The following ADGRB3 variants were observed in gnomAD, a reference collection of about 807,000 sequenced individuals.
ADGRB3 encodes the protein brain-specific angiogenesis inhibitor 3.
ADGRB3 carries 37 observed loss-of-function variants against 193.4 expected under a neutral mutation model. The ratio of observed to expected loss-of-function variants is 0.19; its 90% CI spans 0.15 to 0.25. ADGRB3 has a LOEUF of 0.25. Among genes scored for constraint, ADGRB3 ranks in the 10% least tolerant of loss-of-function variants. The pLI is 1.00. For missense variants in ADGRB3, 1,637 were observed against 1,852.9 expected, an observed-to-expected ratio of 0.88 and a Z score of 2.14; for synonymous variants, 690 against 644.2, an observed-to-expected ratio of 1.07 and a Z score of -1.08.
intron 17 of ADGRB3, among the ~76,000 whole-genome samples, chr6:69,182,992 T>G (rs1764966024): frequency 6.6e-6 from 1 of 152,068 alleles, no homozygotes; most frequent in African/African-American, 2.4e-5. Flanking sequence ...AATAACTACT[T>G]TCTGAGTTAT....
intron 10 of ADGRB3, among the ~76,000 whole-genome samples, chr6:68,980,823 G>C (rs1239715061): frequency 6.6e-6 from 1 of 151,384 alleles, no homozygotes; most frequent in Non-Finnish European, 1.5e-5. Flanking sequence ...AGGCTGGAAC[G>C]TGACAAGTCA....
intron 3 of ADGRB3, among the ~76,000 whole-genome samples, chr6:68,865,475 G>A (rs540847988): frequency 1.3e-5 from 2 of 152,170 alleles, no homozygotes; most frequent in South Asian, 4.2e-4. Flanking sequence ...GGGTACATAG[G>A]TGCATGCTTT....
chr6:69,269,640 A>G (rs1582593268), intron 20 of ADGRB3, among the ~76,000 whole-genome samples: 1 of 152,168 alleles, frequency 6.6e-6, no homozygotes, highest in African/African-American at 2.4e-5. Context: ...ATAAAATAAT[A>G]TCGTGACTGA....
At chr6:69,273,009 T>C (rs1246450404) in intron 20 of ADGRB3, among the ~76,000 whole-genome samples, 3 of 152,164 alleles carry the variant, frequency 2.0e-5, no homozygotes, top group Non-Finnish European at 4.4e-5. Flanking sequence ...CAAGCGATTC[T>C]CCTGCCTCAG....
chr6:69,224,788 A>G (rs1394465440), intron 17 of ADGRB3, among the ~76,000 whole-genome samples: 1 of 152,110 alleles, frequency 6.6e-6, no homozygotes, highest in Non-Finnish European at 1.5e-5. Flanking sequence ...GCCGTTTTTT[A>G]ATGGCTGAAG....
intron 29 of ADGRB3, among the ~76,000 whole-genome samples, chr6:69,366,690 T>C (rs951393185): frequency 6.6e-6 from 1 of 152,138 alleles, no homozygotes; most frequent in African/African-American, 2.4e-5. Flanking sequence ...GTTGACCTGT[T>C]CATAATGGTT....
chr6:69,249,698 A>G lies in ADGRB3; in HGVS notation c.2814+10472A>G, dbSNP rs1294284820. ...CCTAAAATTTGGATTGTTATTATGT[A>G]TATCAAATCATAAGCATTGCTATGG... On this transcript the variant is annotated intron_variant, in intron 20 of 31. Transcript: ENST00000370598. Among the ~76,000 whole-genome samples the G allele has an allele frequency of 2.0e-5, 3 of 152,314 alleles. No homozygotes were observed. The East Asian group carries it at 5.8e-4, about 29-fold the overall frequency.
At chr6:69,125,022 T>C (rs951758486) in intron 17 of ADGRB3, among the ~76,000 whole-genome samples, 1 of 152,142 alleles carries the variant, frequency 6.6e-6, no homozygotes, top group Non-Finnish European at 1.5e-5. Flanking sequence ...TCTCCTGATA[T>C]CATCCTTTTG....
chr6:68,872,470 C>G (rs1765488161), intron 3 of ADGRB3, among the ~76,000 whole-genome samples: 1 of 151,892 alleles, frequency 6.6e-6, no homozygotes, highest in Non-Finnish European at 1.5e-5. Flanking sequence ...GAAGAAAAAC[C>G]AGAAATTGAA....
At chr6:69,037,675 C>T (rs906206833) in intron 13 of ADGRB3, among the ~76,000 whole-genome samples, 2 of 152,198 alleles carry the variant, frequency 1.3e-5, no homozygotes, top group African/African-American at 4.8e-5. Flanking sequence ...CTGCCTGTCT[C>T]TCTTTCTGTC....
intron 17 of ADGRB3, among the ~76,000 whole-genome samples, chr6:69,172,641 C>A (rs1340341864): frequency 4.4e-5 from 1 of 22,602 alleles, no homozygotes; most frequent in Non-Finnish European, 6.9e-5. Context: ...GAGACTCTGT[C>A]TCAAAAAAAA....
chr6:68,831,675 G>A (rs1362044303), intron 3 of ADGRB3, among the ~76,000 whole-genome samples: 1 of 152,130 alleles, frequency 6.6e-6, no homozygotes, highest in East Asian at 1.9e-4. Context: ...AACCAGAATG[G>A]AGTGGACACC....
intron 3 of ADGRB3, among the ~76,000 whole-genome samples, chr6:68,734,662 C>G (rs1021294875): frequency 8.6e-5 from 13 of 151,842 alleles, no homozygotes; most frequent in Admixed American, 4.0e-4. Context: ...AGAATCTAAA[C>G]CAATTACAAG....
At chr6:69,209,922 T>G (rs1461163274) in intron 17 of ADGRB3, among the ~76,000 whole-genome samples, 1 of 151,776 alleles carries the variant, frequency 6.6e-6, no homozygotes, top group Non-Finnish European at 1.5e-5. Context: ...TTCTCCATAC[T>G]ATTAGAAGAA....
rs77902531 is a variant in ADGRB3, at chr6:69,011,869, C to T, written c.1930-2169C>T. 3.8e-4 allele frequency among the ~76,000 whole-genome samples: 58 copies of T among 152,018 alleles called. 1 individual carries two copies. Among genetic ancestry groups the T allele is most frequent in the Non-Finnish European group, 5.7e-4 (39 of 67,960 alleles). Reference sequence around the variant, plus strand: ...CCTACATGGATTTCATTAGTCAGGGCGCTACTACTGATTATTCCAAAGTCT... The same window carrying T: ...CCTACATGGATTTCATTAGTCAGGGTGCTACTACTGATTATTCCAAAGTCT... On this transcript the variant is annotated intron_variant, in intron 11 of 31. Coordinates refer to ENST00000370598, the MANE Select transcript of ADGRB3 (RefSeq NM_001704.3).
At chr6:68,692,503 G>A (rs1042710770) in intron 3 of ADGRB3, among the ~76,000 whole-genome samples, 1 of 151,710 alleles carries the variant, frequency 6.6e-6, no homozygotes, top group Non-Finnish European at 1.5e-5. Flanking sequence ...GTGAGACAAT[G>A]CATTTAAATT....
intron 3 of ADGRB3, among the ~76,000 whole-genome samples, chr6:68,849,145 G>A (rs1054013280): frequency 1.3e-5 from 2 of 151,904 alleles, no homozygotes; most frequent in Non-Finnish European, 2.9e-5. Flanking sequence ...GTGAGAAATG[G>A]TTCTTGAATC....
intron 28 of ADGRB3, 122 bp downstream of exon 28, chr6:69,355,982 A>C (rs1769329947): frequency 5.3e-6 from 4 of 758,666 alleles, no homozygotes; most frequent in African/African-American, 3.5e-5. Flanking sequence ...AGGGCTGTAT[A>C]TGTAAAGCAG....
At chr6:68,943,764 T>C in intron 5 of ADGRB3, 66 bp from the exon 6 acceptor site, 1 of 1,378,464 alleles carries the variant, frequency 7.3e-7, no homozygotes. Flanking sequence ...TTTTTAATTA[T>C]AAAGAAAATG....
Sources: gnomAD v4.1 joint callset for allele counts (sites outside exome capture counted in the v4.1 genomes callset) on GRCh38, gnomAD v4.1.1 for gene constraint, MANE v1.5 for transcripts, NCBI Gene and HGNC (gene_info 2026-07-23, HGNC 2026-07-21) for gene names.